CDH13: variants seen among roughly 807,000 people sequenced by gnomAD.
The protein encoded by CDH13 is cadherin 13, also known as cadherin-13.
A neutral mutation model predicts 63.8 loss-of-function variants in CDH13; 24 were observed. That is an observed-to-expected ratio of 0.38 (90% CI 0.27 to 0.53). The LOEUF is 0.53. Ranked by LOEUF, CDH13 falls within the 20% of genes least tolerant of loss-of-function variation. The pLI is 0.85. For synonymous variants in CDH13, 503 were observed against 355.3 expected (o/e 1.42, Z -4.67); for missense variants, 1,049 against 903.1 (o/e 1.16, Z -2.07).
At chr16:83,222,631 A>G (rs2039730002) in intron 5 of CDH13, among the ~76,000 whole-genome samples, 1 of 152,128 alleles carries the variant, frequency 6.6e-6, no homozygotes, top group African/African-American at 2.4e-5. Flanking sequence ...TAGTAGGGAC[A>G]TGCTATGTAA....
chr16:82,933,958 T>C (rs2042584440), intron 2 of CDH13, among the ~76,000 whole-genome samples: 1 of 152,200 alleles, frequency 6.6e-6, no homozygotes, highest in Admixed American at 6.5e-5. Context: ...TTTCATGGGC[T>C]GGCAGCGTCT....
intron 1 of CDH13, among the ~76,000 whole-genome samples, chr16:82,724,090 C>T (rs1028530518): frequency 6.6e-6 from 1 of 152,152 alleles, no homozygotes; most frequent in Non-Finnish European, 1.5e-5. Flanking sequence ...CAGCCTGATC[C>T]TTTAGGCCTT....
At chr16:82,970,065 C>A (rs148184447) in intron 2 of CDH13, among the ~76,000 whole-genome samples, 8 of 152,030 alleles carry the variant, frequency 5.3e-5, no homozygotes, top group East Asian at 3.9e-4. Flanking sequence ...TTAGGTATTT[C>A]TCCTAATGCT....
chr16:83,268,225 T>C (rs1368453081), intron 5 of CDH13, among the ~76,000 whole-genome samples: 1 of 152,248 alleles, frequency 6.6e-6, no homozygotes, highest in Non-Finnish European at 1.5e-5. Context: ...GGTGTATATA[T>C]ACCTATACTC....
At chr16:83,046,842 G>C (rs1240248206) in intron 3 of CDH13, among the ~76,000 whole-genome samples, 2 of 152,130 alleles carry the variant, frequency 1.3e-5, no homozygotes, top group Non-Finnish European at 2.9e-5. Flanking sequence ...ATTCAGAAGG[G>C]AGGATTGTGA....
At chr16:83,055,036 A>T (rs1320874536) in intron 3 of CDH13, among the ~76,000 whole-genome samples, 2 of 152,242 alleles carry the variant, frequency 1.3e-5, no homozygotes, top group African/African-American at 2.4e-5. Context: ...TAACAAAAAA[A>T]CTAAAGGATC....
At chr16:82,801,809 T>C (rs2036868010) in intron 1 of CDH13, among the ~76,000 whole-genome samples, 1 of 151,036 alleles carries the variant, frequency 6.6e-6, no homozygotes, top group African/African-American at 2.4e-5. Flanking sequence ...GGTCAGGAGA[T>C]AGCTTTAAAA....
intron 13 of CDH13, among the ~76,000 whole-genome samples, chr16:83,787,578 G>T (rs780849824): frequency 1.3e-5 from 2 of 152,176 alleles, no homozygotes; most frequent in African/African-American, 2.4e-5. Context: ...ACCAGCTTCT[G>T]GAGTGAGCGC....
intron 2 of CDH13, among the ~76,000 whole-genome samples, chr16:82,887,823 G>GA (rs920855177): frequency 9.4e-5 from 14 of 149,718 alleles, no homozygotes; most frequent in African/African-American, 1.7e-4. Flanking sequence ...CTCCGTCTCA[G>GA]AAAAAAAAAG....
chr16:83,180,804 G>C (rs2038321123), intron 4 of CDH13: 4 of 1,076,334 alleles, frequency 3.7e-6, no homozygotes, highest in Middle Eastern at 2.0e-4. Context: ...TGATGCTGTA[G>C]TCATTTGTTG....
chr16:83,161,529 G>C (rs977056454), intron 4 of CDH13, among the ~76,000 whole-genome samples: 2 of 152,112 alleles, frequency 1.3e-5, no homozygotes, highest in Non-Finnish European at 2.9e-5. Context: ...TAAAGTTCAA[G>C]CAGTGCAAAT....
intron 5 of CDH13, among the ~76,000 whole-genome samples, chr16:83,276,700 C>G (rs1208944389): frequency 6.6e-6 from 1 of 152,014 alleles, no homozygotes; most frequent in Non-Finnish European, 1.5e-5. Context: ...GAAACCCTGT[C>G]TCTACTAAAA....
chr16:82,759,540 G>C (rs906760037), intron 1 of CDH13, among the ~76,000 whole-genome samples: 3 of 150,052 alleles, frequency 2.0e-5, no homozygotes, highest in Non-Finnish European at 3.0e-5. Flanking sequence ...ATACATATAT[G>C]TATATGTATA....
At chr16:83,070,720 C>T (rs1476350694) in intron 3 of CDH13, among the ~76,000 whole-genome samples, 2 of 152,134 alleles carry the variant, frequency 1.3e-5, no homozygotes, top group Middle Eastern at 3.4e-3. Flanking sequence ...AACTATTTAT[C>T]TGTGAGGGAT....
intron 2 of CDH13, among the ~76,000 whole-genome samples, chr16:83,004,737 C>G (rs1354010970): frequency 6.6e-6 from 1 of 152,182 alleles, no homozygotes; most frequent in Non-Finnish European, 1.5e-5. Flanking sequence ...AAGTGATCCG[C>G]CCACCTCAGC....
chr16:83,343,199 C>T (rs1333255365), intron 5 of CDH13, among the ~76,000 whole-genome samples: 1 of 152,048 alleles, frequency 6.6e-6, no homozygotes, highest in Non-Finnish European at 1.5e-5. Context: ...ATTATCTACC[C>T]ACACATACCT....
chr16:83,618,227 C>T (rs1055142983), intron 8 of CDH13, among the ~76,000 whole-genome samples: 9 of 151,856 alleles, frequency 5.9e-5, no homozygotes, highest in South Asian at 2.1e-4. Context: ...GAGTTCAAGA[C>T]CAGCCTGGGC....
At chr16:83,716,795 G>T (rs1222646281) in intron 10 of CDH13, among the ~76,000 whole-genome samples, 2 of 152,132 alleles carry the variant, frequency 1.3e-5, no homozygotes, top group Non-Finnish European at 2.9e-5. Flanking sequence ...CCTCTTTAAT[G>T]ATTGTTTACT....
At chr16:82,747,315 C>G (rs1466085135) in intron 1 of CDH13, among the ~76,000 whole-genome samples, 2 of 152,170 alleles carry the variant, frequency 1.3e-5, no homozygotes, top group Non-Finnish European at 2.9e-5. Context: ...CAGGAGTATG[C>G]ACGTTAAAGT....
Sources: allele counts gnomAD v4.1 joint callset (sites outside exome capture counted in the v4.1 genomes callset), GRCh38; gene constraint gnomAD v4.1.1; transcripts MANE v1.5; gene names NCBI Gene and HGNC (gene_info 2026-07-23, HGNC 2026-07-21).